The following CDC42BPA variants were observed in gnomAD, a reference collection of about 807,000 sequenced individuals.
CDC42BPA encodes the protein CDC42 binding protein kinase alpha.
CDC42BPA carries 80 observed loss-of-function variants against 223.5 expected under a neutral mutation model. That is an observed-to-expected ratio of 0.36 (90% CI 0.30 to 0.43). CDC42BPA has a LOEUF of 0.43. Among genes scored for constraint, CDC42BPA ranks in the 20% least tolerant of loss-of-function variants. CDC42BPA has a pLI of 1.00. For missense variants in CDC42BPA, 1,743 were observed against 2,099.9 expected (o/e 0.83, Z 3.32); for synonymous variants, 694 against 718.6 (o/e 0.97, Z 0.55).
intron 17 of CDC42BPA, among the ~76,000 whole-genome samples, chr1:227,074,772 T>C (rs1679112705): frequency 6.6e-6 from 1 of 152,180 alleles, no homozygotes; most frequent in African/African-American, 2.4e-5. Flanking sequence ...AAAACTGAAG[T>C]GTATATTAAA....
At chr1:227,232,751 G>T (rs1678240102) in intron 2 of CDC42BPA, among the ~76,000 whole-genome samples, 1 of 152,176 alleles carries the variant, frequency 6.6e-6, no homozygotes, top group Non-Finnish European at 1.5e-5. Flanking sequence ...GGCTAATATT[G>T]CTGTCTGATC....
In CDC42BPA at chr1:227,035,585, T is replaced by C; in HGVS notation, c.3222A>G (p.Ile1074Met). 1 of 1,597,370 alleles carries C rather than the reference T, an allele frequency of 6.3e-7. No homozygotes were observed. The highest frequency in any genetic ancestry group is 8.5e-7 in the Non-Finnish European group (1 of 1,176,288). The change falls in exon 25 of 37, where the codon ATA becomes ATG. Residue 1074 changes from isoleucine (I) to methionine (M), a missense_variant. Coordinates refer to ENST00000366766, the MANE Select transcript of CDC42BPA (RefSeq NM_001394014.1). ...SCEVCGFSCH[I>M]TCVNKAPTTC... ...TGGTTGGAGCTTTGTTTACACAAGT[T>C]ATATGGCATGAGAATCCACACACTT...
At chr1:227,261,124 C>CTTTCTTTCTT (rs386417862) in intron 1 of CDC42BPA, among the ~76,000 whole-genome samples, 3 of 120,992 alleles carry the variant, frequency 2.5e-5, no homozygotes, top group Non-Finnish European at 5.0e-5. Context: ...TTGAGTTTTT[C>CTTTCTTTCTT]TTTTTTTTTG....
intron 5 of CDC42BPA, among the ~76,000 whole-genome samples, chr1:227,168,497 G>GTGTTTTGTTTTTTTTTTTTTTTTTTT (rs1302291274): frequency 3.1e-4 from 25 of 80,194 alleles, no homozygotes; most frequent in Non-Finnish European, 3.6e-4. Context: ...CTTCCCTGGT[G>GTGTTTTGTTTTTTTTTTTTTTTTTTT]TTTTTTTTTT....
rs34787332 is a variant in CDC42BPA at position 227,230,816 on chromosome 1, C to CTTTTTTTTTTTTT, written c.271-17598_271-17597insAAAAAAAAAAAAA. Among the ~76,000 whole-genome samples, 515 of 53,938 alleles carry CTTTTTTTTTTTTT rather than the reference C, an allele frequency of 9.5e-3. 29 individuals are homozygous for CTTTTTTTTTTTTT. The highest frequency in any genetic ancestry group is 0.014 in the Non-Finnish European group (370 of 25,960). 35.4% of individuals were successfully genotyped at this position (53,938 alleles called of 152,430 possible). A position where few individuals can be genotyped will look rare whatever the true frequency, so the allele number is the denominator to read the frequency against. On this transcript the variant is annotated intron_variant, in intron 2 of 36. Transcript: ENST00000366766. ...ACTGATTTCTATTTCTTTTTTCTTT[C>CTTTTTTTTTTTTT]TTTCTTTTTTTTTTTTTTTTTTTGA...
chr1:227,292,505 T>C (rs1689869933), intron 1 of CDC42BPA, among the ~76,000 whole-genome samples: 1 of 152,180 alleles, frequency 6.6e-6, no homozygotes, highest in Non-Finnish European at 1.5e-5. Context: ...TTTTTAAAAA[T>C]ATTTTATTAA....
At chr1:227,254,674 T>C (rs1262915806) in intron 1 of CDC42BPA, among the ~76,000 whole-genome samples, 1 of 152,182 alleles carries the variant, frequency 6.6e-6, no homozygotes, top group Non-Finnish European at 1.5e-5. Context: ...ATATGATACT[T>C]TCCTTCAAGA....
chr1:227,170,662 A>C (rs1356004560), intron 5 of CDC42BPA, among the ~76,000 whole-genome samples: 1 of 152,148 alleles, frequency 6.6e-6, no homozygotes, highest in African/African-American at 2.4e-5. Context: ...AGAACTTCAT[A>C]TGCATTGAAT....
chr1:227,224,678 T>A (rs923261692), intron 2 of CDC42BPA, among the ~76,000 whole-genome samples: 17 of 152,174 alleles, frequency 1.1e-4, no homozygotes, highest in African/African-American at 3.9e-4. Context: ...AGAAAATTTA[T>A]AAAATTAAAG....
At chr1:227,137,195 TG>T (rs1658745980) in intron 10 of CDC42BPA, among the ~76,000 whole-genome samples, 1 of 151,996 alleles carries the variant, frequency 6.6e-6, no homozygotes, top group Non-Finnish European at 1.5e-5. Context: ...AATAGAAAAA[TG>T]GGCAAGAACC....
chr1:227,308,636 A>T (rs1368451920), intron 1 of CDC42BPA, among the ~76,000 whole-genome samples: 1 of 152,148 alleles, frequency 6.6e-6, no homozygotes, highest in East Asian at 1.9e-4. Context: ...TCTTATGTCC[A>T]TTTTTCATAA....
At chr1:227,035,979 T>G (rs1254309491) in intron 24 of CDC42BPA, among the ~76,000 whole-genome samples, 2 of 152,234 alleles carry the variant, frequency 1.3e-5, no homozygotes, top group African/African-American at 4.8e-5. Flanking sequence ...TTGAAATTTC[T>G]GTTGCAAGGG....
chr1:227,270,220 T>G (rs1252230679), intron 1 of CDC42BPA, among the ~76,000 whole-genome samples: 1 of 152,178 alleles, frequency 6.6e-6, no homozygotes, highest in Non-Finnish European at 1.5e-5. Flanking sequence ...GCTGTGTATG[T>G]AAATTAATGA....
intron 2 of CDC42BPA, among the ~76,000 whole-genome samples, chr1:227,237,703 G>T (rs1175250125): frequency 6.6e-6 from 1 of 152,136 alleles, no homozygotes; most frequent in Non-Finnish European, 1.5e-5. Context: ...TTCCACAAAT[G>T]GACTTTTCCA....
At chr1:227,120,173 A>C (rs1390064083) in intron 11 of CDC42BPA, among the ~76,000 whole-genome samples, 1 of 147,580 alleles carries the variant, frequency 6.8e-6, no homozygotes, top group Non-Finnish European at 1.5e-5. Flanking sequence ...CTCATTAGGA[A>C]AAAAAAAAAA....
In CDC42BPA at chr1:227,317,001, T is replaced by G. The variant is rs756660683; in HGVS notation, c.178+4A>C. On this transcript the variant is annotated splice_donor_region_variant and intron_variant, in intron 1 of 36. Coordinates refer to ENST00000366766, the MANE Select transcript of CDC42BPA (RefSeq NM_001394014.1). ...AACAGTTTCTTTAAAAATTACAAAC[T>G]TACCCCATTCTAGGTATTCGAGAAT... 1 of 1,608,356 alleles carries G rather than the reference T, an allele frequency of 6.2e-7. No individual in the cohort carries two copies. Among genetic ancestry groups the G allele is most frequent in the South Asian group, 1.1e-5 (1 of 90,884 alleles).
intron 2 of CDC42BPA, among the ~76,000 whole-genome samples, chr1:227,214,468 G>GT (rs1674483889): frequency 6.6e-6 from 1 of 152,108 alleles, no homozygotes; most frequent in East Asian, 1.9e-4. Flanking sequence ...CTCATAAAGA[G>GT]GGCTGTAATA....
At chr1:227,090,736 A>G (rs1682920484) in intron 16 of CDC42BPA, among the ~76,000 whole-genome samples, 1 of 152,154 alleles carries the variant, frequency 6.6e-6, no homozygotes, top group Non-Finnish European at 1.5e-5. Flanking sequence ...GTTTGAACCC[A>G]GGAGGCGGAA....
chr1:227,146,212 A>G (rs1249327538), intron 7 of CDC42BPA, among the ~76,000 whole-genome samples: 1 of 152,152 alleles, frequency 6.6e-6, no homozygotes, highest in Non-Finnish European at 1.5e-5. Context: ...TACTATGCTA[A>G]TATTATAGAA....
Sources: gnomAD v4.1 joint callset for allele counts (sites outside exome capture counted in the v4.1 genomes callset) on GRCh38, gnomAD v4.1.1 for gene constraint, MANE v1.5 for transcripts, NCBI Gene and HGNC (gene_info 2026-07-23, HGNC 2026-07-21) for gene names.